The following TSPAN12 variants were observed in gnomAD, a reference collection of about 807,000 sequenced individuals.
The protein encoded by TSPAN12 is tetraspanin 12, also known as tetraspanin-12.
In TSPAN12, 19 loss-of-function variants were observed where a neutral mutation model predicts 39.2. The observed-to-expected ratio is 0.49, with a 90% CI of 0.34 to 0.71. The LOEUF is 0.71. TSPAN12 is among the 30% of genes least tolerant of loss of function. The probability of loss-of-function intolerance (pLI) is 0.01; values close to 1 mark genes in which losing one functional copy is unlikely to be tolerated. For missense variants in TSPAN12, 314 were observed against 359.9 expected, an observed-to-expected ratio of 0.87 and a Z score of 1.03; for synonymous variants, 119 against 124.8, an observed-to-expected ratio of 0.95 and a Z score of 0.31.
chr7:120,799,768 A>C (rs1793723737), intron 7 of TSPAN12, among the ~76,000 whole-genome samples: 1 of 133,628 alleles, frequency 7.5e-6, no homozygotes, highest in East Asian at 2.1e-4. Context: ...TATACATATA[A>C]TTTAATTAAA....
rs114598574 is a variant in TSPAN12, at chr7:120,829,220, G to A, written c.285+9557C>T. On this transcript the variant is annotated intron_variant, in intron 4 of 7. Coordinates refer to ENST00000222747, the MANE Select transcript of TSPAN12 (RefSeq NM_012338.4). ...TTATCTTAGCCTGAGCATGTAACCT[G>A]AGCCTATTACCTTTTCTCTGAAAAA... is the stretch of plus-strand genomic sequence containing the variant. 3.1e-3 allele frequency among the ~76,000 whole-genome samples: 469 copies of A among 152,174 alleles called. 3 individuals are homozygous for A. Among genetic ancestry groups the A allele is most frequent in the African/African-American group, 0.011 (454 of 41,520 alleles).
In TSPAN12 at chr7:120,813,281, A is replaced by T. The variant is rs1397612521; in HGVS notation, c.360+2448T>A. On this transcript the variant is annotated intron_variant, in intron 5 of 7. Transcript: ENST00000222747. The stretch of plus-strand genomic sequence containing the variant: ...TTTTAAAGAACTGCTTTTACACTTC[A>T]CTTTTAAACAGCCCTTGCTCCATCC... 2.0e-5 allele frequency among the ~76,000 whole-genome samples: 3 copies of T among 152,204 alleles called. No homozygotes were observed. The East Asian group carries it at 5.8e-4, about 29-fold the overall frequency.
intron 2 of TSPAN12, among the ~76,000 whole-genome samples, chr7:120,853,269 T>A (rs1794803931): frequency 6.6e-6 from 1 of 151,656 alleles, no homozygotes; most frequent in South Asian, 2.1e-4. Context: ...AATTTTTGTA[T>A]TTTTAGTAGA....
intron 2 of TSPAN12, among the ~76,000 whole-genome samples, chr7:120,855,959 C>A (rs1194701061): frequency 1.3e-5 from 2 of 152,142 alleles, no homozygotes; most frequent in African/African-American, 2.4e-5. Context: ...TAAATTGTTA[C>A]ATTTTCCTAA....
intron 7 of TSPAN12, among the ~76,000 whole-genome samples, chr7:120,792,317 C>G (rs757923485): frequency 6.6e-6 from 1 of 152,244 alleles, no homozygotes; most frequent in South Asian, 2.1e-4. Context: ...TTGACCTGAA[C>G]TTGAAGCTCG....
intron 1 of TSPAN12, chr7:120,857,344 G>C (rs1011036977): frequency 2.5e-5 from 4 of 159,256 alleles, no homozygotes; most frequent in Non-Finnish European, 5.6e-5. Context: ...CCCGCAGCTC[G>C]GGTGTGAATG....
chr7:120,817,958 C>T (rs1341972534), intron 4 of TSPAN12, among the ~76,000 whole-genome samples: 1 of 152,054 alleles, frequency 6.6e-6, no homozygotes, highest in African/African-American at 2.4e-5. Context: ...GCAAACAAAG[C>T]AGAAAGGTAT....
Position 120,810,561 on chromosome 7 carries a change from G to A in TSPAN12, c.370C>T (p.Gln124Ter). 1 of 1,611,156 alleles carries A rather than the reference G, an allele frequency of 6.2e-7. No homozygotes were observed. Among genetic ancestry groups the A allele is most frequent in the Non-Finnish European group, 8.5e-7 (1 of 1,178,222 alleles). ...TYEQELMVPVQWSDMVTLKAR... is the reference protein window; with the variant it reads ...TYEQELMVPV ...TTCAAAGTGACCATATCTGACCATT[G>A]TACTGGAACCTGGTGATAAAAAGCA... The change falls in exon 6 of 8, where the codon CAA (glutamine) becomes TAA (stop). Residue 124 changes from glutamine to a stop codon, truncating the protein, a stop_gained. Transcript: ENST00000222747. LOFTEE classifies it high-confidence loss of function.
chr7:120,830,580 A>T (rs914762140), intron 4 of TSPAN12, among the ~76,000 whole-genome samples: 1 of 152,070 alleles, frequency 6.6e-6, no homozygotes, highest in African/African-American at 2.4e-5. Flanking sequence ...AAAGGGGAAC[A>T]ACTGGATATC....
At chr7:120,840,133 G>A (rs756783516) in intron 2 of TSPAN12, 24 bp from the exon 3 acceptor site, 61 of 1,557,768 alleles carry the variant, frequency 3.9e-5, no homozygotes, top group South Asian at 1.0e-4. Flanking sequence ...AGTACAAACC[G>A]GTTACCAAAG....
chr7:120,799,580 ATATGTAAT>A (rs1298338000), intron 7 of TSPAN12, among the ~76,000 whole-genome samples: 2 of 111,232 alleles, frequency 1.8e-5, no homozygotes, highest in African/African-American at 3.7e-5. Context: ...TTATATAATT[ATATGTAAT>A]AATATAATTA....
At chr7:120,821,307 AT>A (rs572562522) in intron 4 of TSPAN12, among the ~76,000 whole-genome samples, 1 of 152,044 alleles carries the variant, frequency 6.6e-6, no homozygotes, top group South Asian at 2.1e-4. Context: ...TCAATCAGAG[AT>A]TTTTTTCACC....
At chr7:120,806,389 G>A (rs1793874149) in intron 7 of TSPAN12, among the ~76,000 whole-genome samples, 160 bp downstream of exon 7, 3 of 151,946 alleles carry the variant, frequency 2.0e-5, no homozygotes, top group Admixed American at 2.0e-4. Flanking sequence ...TTTTTATATT[G>A]TTTTTTAGCT....
At chr7:120,794,095 G>A (rs1450446570) in intron 7 of TSPAN12, among the ~76,000 whole-genome samples, 1 of 152,058 alleles carries the variant, frequency 6.6e-6, no homozygotes, top group Non-Finnish European at 1.5e-5. Context: ...CTTTAACTTT[G>A]ACTTTCCAAT....
At chr7:120,842,684 C>T (rs533363483) in intron 2 of TSPAN12, among the ~76,000 whole-genome samples, 11 of 152,124 alleles carry the variant, frequency 7.2e-5, no homozygotes, top group Admixed American at 7.2e-4. Flanking sequence ...GGCAGTGGGT[C>T]TCCTGCAGAA....
chr7:120,799,417 A>G (rs1406340757), intron 7 of TSPAN12, among the ~76,000 whole-genome samples: 1 of 140,170 alleles, frequency 7.1e-6, no homozygotes, highest in Non-Finnish European at 1.5e-5. Flanking sequence ...TATTTATTAT[A>G]ATATTTAATT....
chr7:120,849,789 C>A (rs1308854272), intron 2 of TSPAN12, among the ~76,000 whole-genome samples: 1 of 152,216 alleles, frequency 6.6e-6, no homozygotes, highest in Non-Finnish European at 1.5e-5. Flanking sequence ...TAGGCATGAT[C>A]ATAGCTCATT....
chr7:120,818,247 TG>T (rs1235349997), intron 4 of TSPAN12, among the ~76,000 whole-genome samples: 4 of 152,210 alleles, frequency 2.6e-5, no homozygotes, highest in African/African-American at 9.6e-5. Context: ...CAGATCATAC[TG>T]AGCCATGGAA....
At chr7:120,811,096 G>A (rs1323208215) in intron 5 of TSPAN12, among the ~76,000 whole-genome samples, 2 of 152,156 alleles carry the variant, frequency 1.3e-5, no homozygotes, top group Non-Finnish European at 2.9e-5. Context: ...TAATTAAGAG[G>A]TATGTTAGAA....
Sources: gnomAD v4.1 joint callset for allele counts (sites outside exome capture counted in the v4.1 genomes callset) on GRCh38, gnomAD v4.1.1 for gene constraint, MANE v1.5 for transcripts, NCBI Gene and HGNC (gene_info 2026-07-23, HGNC 2026-07-21) for gene names.